ELP4: variants seen among roughly 807,000 people sequenced by gnomAD.
ELP4 encodes elongator complex protein 4.
In ELP4, 51 loss-of-function variants were observed where a neutral mutation model predicts 48.9. The ratio of observed to expected loss-of-function variants is 1.04; its 90% CI spans 0.83 to 1.32. The LOEUF (loss-of-function observed/expected upper bound fraction) is 1.32, where lower values mean the gene tolerates loss of function less well. ELP4 is among the 40% of genes most tolerant of loss of function. The pLI, the probability that ELP4 is intolerant of heterozygous loss-of-function variation, is 0.00. For missense variants in ELP4, 519 were observed against 514.6 expected (o/e 1.01, Z -0.08); for synonymous variants, 210 against 189.2 (o/e 1.11, Z -0.90).
intron 7 of ELP4, among the ~76,000 whole-genome samples, chr11:31,635,104 G>C (rs534983411): frequency 6.6e-6 from 1 of 151,856 alleles, no homozygotes; most frequent in East Asian, 1.9e-4. Context: ...TATAAAACTT[G>C]TACTTGTTCA....
intron 3 of ELP4, among the ~76,000 whole-genome samples, chr11:31,547,331 A>G (rs1022744574): frequency 6.6e-6 from 1 of 152,156 alleles, no homozygotes; most frequent in Non-Finnish European, 1.5e-5. Context: ...AGAAATACAA[A>G]CTACCATCAG....
At chr11:31,654,845 C>T (rs1945395300) in intron 9 of ELP4, 1 of 151,726 alleles carries the variant, frequency 6.6e-6, no homozygotes, top group Admixed American at 6.6e-5. Flanking sequence ...GGTTAACTTG[C>T]TTGTCAACTC....
At chr11:31,735,428 C>T (rs1288345484) in intron 9 of ELP4, among the ~76,000 whole-genome samples, 3 of 152,074 alleles carry the variant, frequency 2.0e-5, no homozygotes, top group Non-Finnish European at 4.4e-5. Context: ...ACAGGGATGC[C>T]CTCTCTCACC....
intron 7 of ELP4, among the ~76,000 whole-genome samples, chr11:31,642,314 A>T (rs1592184296): frequency 6.6e-6 from 1 of 151,958 alleles, no homozygotes; most frequent in African/African-American, 2.4e-5. Flanking sequence ...ATATTTCTGA[A>T]AGTAAAACAA....
At chr11:31,621,712 C>G (rs1944625207) in intron 5 of ELP4, among the ~76,000 whole-genome samples, 1 of 151,808 alleles carries the variant, frequency 6.6e-6, no homozygotes, top group Non-Finnish European at 1.5e-5. Flanking sequence ...TTGGTGGAGG[C>G]CTCCATCAGT....
chr11:31,614,035 C>T (rs1048126840), intron 5 of ELP4, among the ~76,000 whole-genome samples: 1 of 151,862 alleles, frequency 6.6e-6, no homozygotes, highest in Non-Finnish European at 1.5e-5. Flanking sequence ...ATTTTTATAA[C>T]AAGGGAAGGG....
intron 5 of ELP4, among the ~76,000 whole-genome samples, chr11:31,614,991 A>G (rs1026035837): frequency 6.6e-6 from 1 of 152,054 alleles, no homozygotes; most frequent in African/African-American, 2.4e-5. Flanking sequence ...GAGTGTGAGG[A>G]TTAGATGGTA....
At chr11:31,591,693 T>A (rs999310928) in intron 3 of ELP4, among the ~76,000 whole-genome samples, 1 of 152,088 alleles carries the variant, frequency 6.6e-6, no homozygotes, top group Non-Finnish European at 1.5e-5. Context: ...TAGAAAACAT[T>A]TTGGCAGTTC....
rs1947024731 is a variant in ELP4, at chr11:31,724,122, C to A, written c.1144-59271C>A. Among the ~76,000 whole-genome samples the A allele has an allele frequency of 9.2e-5, 14 of 152,278 alleles. 2 individuals are homozygous for A. The South Asian group carries it at 2.9e-3, about 32-fold the overall frequency. ...GTTATGTAGCTAATTAATGACAGAA[C>A]TGGGTTTCCCATCAGTTTGTCCTGG... On this transcript the variant is annotated intron_variant, in intron 9 of 9. Coordinates refer to ENST00000640961, the MANE Select transcript of ELP4 (RefSeq NM_019040.5).
At chr11:31,548,461 A>G (rs1198723486) in intron 3 of ELP4, among the ~76,000 whole-genome samples, 1 of 152,014 alleles carries the variant, frequency 6.6e-6, no homozygotes, top group Non-Finnish European at 1.5e-5. Context: ...GAGAACTACA[A>G]ACCACTGCTC....
intron 5 of ELP4, among the ~76,000 whole-genome samples, chr11:31,607,389 G>C (rs980750617): frequency 4.6e-5 from 7 of 152,192 alleles, no homozygotes; most frequent in African/African-American, 1.7e-4. Context: ...TGGTTGTCTG[G>C]TGAGGCCAGC....
chr11:31,785,885 TATAA>T lies in ELP4; in HGVS notation c.*2365_*2368del, dbSNP rs937767148. ...TTTAATTATCAGCTTGACTCAAAGATATAAATACTTAAGAACAATGCCAAACGTA... is the reference window on the plus strand; with the variant it reads ...TTTAATTATCAGCTTGACTCAAAGATATACTTAAGAACAATGCCAAACGTA... On this transcript the variant is annotated 3_prime_UTR_variant, in exon 10 of 10. Coordinates refer to ENST00000640961, the MANE Select transcript of ELP4 (RefSeq NM_019040.5). 2.5e-4 allele frequency: 48 copies of T among 195,804 alleles called. No homozygotes were observed. The highest frequency in any genetic ancestry group is 1.1e-3 in the African/African-American group (47 of 43,414). The allele number at this position is 195,804 out of a possible 1,614,324, so 12.1% of individuals were successfully genotyped here. A position where few individuals can be genotyped will look rare whatever the true frequency, so the allele number is the denominator to read the frequency against.
intron 7 of ELP4, chr11:31,647,129 C>T (rs1374424419): frequency 1.3e-5 from 2 of 151,634 alleles, no homozygotes; most frequent in Non-Finnish European, 3.0e-5. Flanking sequence ...CTTTTCTTTC[C>T]CTTTATTATT....
At chr11:31,662,645 GA>G (rs1163673564) in intron 9 of ELP4, 2 of 397,682 alleles carry the variant, frequency 5.0e-6, no homozygotes, top group East Asian at 7.1e-5. Flanking sequence ...ATACTTTAAA[GA>G]AAATTTACTG....
Position 31,778,077 on chromosome 11 carries a change from G to A in ELP4, c.1144-5316G>A, listed in dbSNP as rs377349822. The stretch of plus-strand genomic sequence containing the variant: ...AAGGGGGGATATGCTTTTAAAACTC[G>A]AGTGGGAAAGCTTCATCTTCTGACA... On this transcript the variant is annotated intron_variant, in intron 9 of 9. Coordinates refer to ENST00000640961, the MANE Select transcript of ELP4 (RefSeq NM_019040.5). 2.2e-4 allele frequency among the ~76,000 whole-genome samples: 33 copies of A among 152,296 alleles called. 1 individual carries two copies. The East Asian group carries it at 4.4e-3, about 20-fold the overall frequency.
chr11:31,566,647 C>T (rs894774723), intron 3 of ELP4, among the ~76,000 whole-genome samples: 13 of 152,098 alleles, frequency 8.5e-5, no homozygotes, highest in African/African-American at 3.1e-4. Context: ...ATGCTAAGGG[C>T]ATTTGCATCT....
intron 9 of ELP4, among the ~76,000 whole-genome samples, chr11:31,749,882 G>C (rs938781126): frequency 6.7e-6 from 1 of 149,164 alleles, no homozygotes; most frequent in Non-Finnish European, 1.5e-5. Context: ...TTGAGACGGA[G>C]TCTCGCTCTG....
intron 5 of ELP4, among the ~76,000 whole-genome samples, chr11:31,622,282 T>G: frequency 6.6e-6 from 1 of 151,802 alleles, no homozygotes; most frequent in East Asian, 1.9e-4. Context: ...ACCCAGGGTT[T>G]TTTGTTGGTG....
At chr11:31,572,699 G>A (rs1213564941) in intron 3 of ELP4, among the ~76,000 whole-genome samples, 1 of 152,100 alleles carries the variant, frequency 6.6e-6, no homozygotes, top group Non-Finnish European at 1.5e-5. Flanking sequence ...GTATATTAAT[G>A]TAAAAAAGGT....
Sources: gnomAD v4.1 joint callset for allele counts (sites outside exome capture counted in the v4.1 genomes callset) on GRCh38, gnomAD v4.1.1 for gene constraint, MANE v1.5 for transcripts, NCBI Gene and HGNC (gene_info 2026-07-23, HGNC 2026-07-21) for gene names.